Variants in MAN1A2 observed in about 807,000 individuals in gnomAD.
The protein encoded by MAN1A2 is mannosyl-oligosaccharide 1,2-alpha-mannosidase IB.
Under a neutral mutation model 75.7 loss-of-function variants are expected in MAN1A2, and 26 were observed. That is an observed-to-expected ratio of 0.34 (90% CI 0.25 to 0.48). The LOEUF (loss-of-function observed/expected upper bound fraction) is 0.48, where lower values mean the gene tolerates loss of function less well. Among genes scored for constraint, MAN1A2 ranks in the 20% least tolerant of loss-of-function variants. The pLI, the probability that MAN1A2 is intolerant of heterozygous loss-of-function variation, is 0.99. For missense variants in MAN1A2, 562 were observed against 775.5 expected (o/e 0.72, Z 3.27); for synonymous variants, 247 against 264.6 (o/e 0.93, Z 0.65).
At chr1:117,429,892 G>A (rs1453568405) in intron 5 of MAN1A2, among the ~76,000 whole-genome samples, 3 of 71,076 alleles carry the variant, frequency 4.2e-5, no homozygotes, top group Admixed American at 3.2e-4. Flanking sequence ...TGGGGCGGCT[G>A]GCCGGGCAGA....
chr1:117,522,850 GAT>G lies in MAN1A2; in HGVS notation c.1820_1821del (p.Asp607GlyfsTer11). 6.2e-7 allele frequency: 1 copy of G among 1,611,414 alleles called. No individual in the cohort carries two copies. Among genetic ancestry groups the G allele is most frequent in the Non-Finnish European group, 8.5e-7 (1 of 1,178,320 alleles). ...ATATTTGTATCTGCTGTTCTCCGGTGATGACCTTTTACCTTTAGACCACTGGG... is the reference window on the plus strand; with the variant it reads ...ATATTTGTATCTGCTGTTCTCCGGTGGACCTTTTACCTTTAGACCACTGGG... ...LKYLYLLFSG[D>X]DLLPLDHWVF... On this transcript the variant is annotated frameshift_variant, in exon 13 of 13. Coordinates refer to ENST00000356554, the MANE Select transcript of MAN1A2 (RefSeq NM_006699.5). LOFTEE classifies it high-confidence loss of function.
At chr1:117,390,445 G>A (rs2101738634) in intron 1 of MAN1A2, among the ~76,000 whole-genome samples, 1 of 151,440 alleles carries the variant, frequency 6.6e-6, no homozygotes, top group East Asian at 2.0e-4. Flanking sequence ...TTGAGTATTT[G>A]TAGGATTGTA....
At chr1:117,434,747 CTGTGTGTGTGTGTGTGTGTGTGTG>C (rs61681259) in intron 5 of MAN1A2, among the ~76,000 whole-genome samples, 4 of 135,338 alleles carry the variant, frequency 3.0e-5, no homozygotes, top group South Asian at 2.6e-4. Flanking sequence ...TTGGTTACAG[CTGTGTGTGTGTGTGTGTGTGTGTG>C]TGTGTGTGTG....
In MAN1A2 at chr1:117,508,641, T is replaced by G. The variant is rs181098327; in HGVS notation, c.1793+5671T>G. On this transcript the variant is annotated intron_variant, in intron 12 of 12. Transcript: ENST00000356554. ...TTGCTGTTATAAAAATAAGTCATTA[T>G]TTGTTCAATAATAGCTGAATGGTTA... Among the ~76,000 whole-genome samples, 41 of 151,828 alleles carry G rather than the reference T, an allele frequency of 2.7e-4. No homozygotes were observed. The East Asian group carries it at 7.9e-3, about 29-fold the overall frequency.
At chr1:117,399,271 G>C (rs76066231) in intron 1 of MAN1A2, among the ~76,000 whole-genome samples, 181 of 152,302 alleles carry the variant, frequency 1.2e-3, no homozygotes, top group African/African-American at 4.1e-3. Flanking sequence ...TGCTTTCTGA[G>C]TGATAACATA....
At chr1:117,455,702 C>G (rs570758907) in intron 6 of MAN1A2, among the ~76,000 whole-genome samples, 113 of 151,888 alleles carry the variant, frequency 7.4e-4, no homozygotes, top group African/African-American at 2.5e-3. Context: ...TATGCTTATG[C>G]AGTTTTCCAG....
At chr1:117,373,188 A>G (rs1653025563) in intron 1 of MAN1A2, among the ~76,000 whole-genome samples, 1 of 151,890 alleles carries the variant, frequency 6.6e-6, no homozygotes, top group Non-Finnish European at 1.5e-5. Context: ...ACAAGAGTAG[A>G]GATTTCAAAT....
At chr1:117,378,794 C>T (rs1401900105) in intron 1 of MAN1A2, among the ~76,000 whole-genome samples, 1 of 152,054 alleles carries the variant, frequency 6.6e-6, no homozygotes, top group Non-Finnish European at 1.5e-5. Flanking sequence ...AGGTGAAACA[C>T]GTATTTTCAA....
At chr1:117,439,376 T>C (rs35041320) in intron 5 of MAN1A2, among the ~76,000 whole-genome samples, 24,205 of 152,162 alleles carry the variant, frequency 0.16, 2,313 homozygotes, top group African/African-American at 0.24. Flanking sequence ...TGCAAAAATA[T>C]TATCTTAGTA....
At chr1:117,449,840 G>A (rs571029547) in intron 6 of MAN1A2, among the ~76,000 whole-genome samples, 25 of 152,294 alleles carry the variant, frequency 1.6e-4, no homozygotes, top group African/African-American at 5.8e-4. Context: ...TGCAGAGGAA[G>A]GCCCTAACTC....
intron 5 of MAN1A2, among the ~76,000 whole-genome samples, chr1:117,432,397 C>A (rs890173475): frequency 6.6e-5 from 10 of 151,814 alleles, no homozygotes; most frequent in Admixed American, 2.6e-4. Context: ...CAAGAAATAA[C>A]AGAAGACAGA....
intron 8 of MAN1A2, among the ~76,000 whole-genome samples, chr1:117,469,428 G>T (rs1396843109): frequency 2.0e-5 from 3 of 151,906 alleles, no homozygotes; most frequent in East Asian, 3.9e-4. Flanking sequence ...GACACCAAAG[G>T]CACAGGTAAC....
At chr1:117,389,386 A>G (rs1339403505) in intron 1 of MAN1A2, among the ~76,000 whole-genome samples, 4 of 152,162 alleles carry the variant, frequency 2.6e-5, no homozygotes, top group Non-Finnish European at 5.9e-5. Context: ...TGTGCAACCT[A>G]GATCCCTCAC....
chr1:117,458,151 A>G (rs1189090504), intron 6 of MAN1A2, among the ~76,000 whole-genome samples: 1 of 152,100 alleles, frequency 6.6e-6, no homozygotes, highest in Non-Finnish European at 1.5e-5. Context: ...AACTATCACT[A>G]TTTAAAATGA....
At chr1:117,394,206 T>C (rs901838690) in intron 1 of MAN1A2, among the ~76,000 whole-genome samples, 24 of 151,880 alleles carry the variant, frequency 1.6e-4, no homozygotes, top group African/African-American at 5.3e-4. Flanking sequence ...CTCAGCCTCC[T>C]GAGTAGCTGG....
chr1:117,520,946 CATG>C (rs1224157190), intron 12 of MAN1A2, among the ~76,000 whole-genome samples: 2 of 152,044 alleles, frequency 1.3e-5, no homozygotes, highest in Non-Finnish European at 2.9e-5. Context: ...ACCAAAACAG[CATG>C]ATACTTGTAT....
At chr1:117,400,470 A>AT (rs1283525819) in intron 1 of MAN1A2, among the ~76,000 whole-genome samples, 33 of 146,224 alleles carry the variant, frequency 2.3e-4, no homozygotes, top group Non-Finnish European at 1.4e-4. Flanking sequence ...CAATTCTATC[A>AT]TTAAAAAAAA....
intron 5 of MAN1A2, among the ~76,000 whole-genome samples, chr1:117,438,704 T>C (rs1648929615): frequency 6.6e-6 from 1 of 152,198 alleles, no homozygotes; most frequent in Non-Finnish European, 1.5e-5. Flanking sequence ...CTTACCATTG[T>C]GTTAAAATTA....
At chr1:117,487,265 A>C (rs1650741408) in intron 8 of MAN1A2, among the ~76,000 whole-genome samples, 1 of 152,064 alleles carries the variant, frequency 6.6e-6, no homozygotes, top group Non-Finnish European at 1.5e-5. Flanking sequence ...AAGAAGCAAT[A>C]GGCATAACTC....
Sources: gnomAD v4.1 joint callset for allele counts (sites outside exome capture counted in the v4.1 genomes callset) on GRCh38, gnomAD v4.1.1 for gene constraint, MANE v1.5 for transcripts, NCBI Gene and HGNC (gene_info 2026-07-23, HGNC 2026-07-21) for gene names.